The following CWF19L2 variants were observed in gnomAD, a reference collection of about 807,000 sequenced individuals.
The protein encoded by CWF19L2 is CWF19 like cell cycle control factor 2.
Under a neutral mutation model 111.7 loss-of-function variants are expected in CWF19L2, and 98 were observed. The ratio of observed to expected loss-of-function variants is 0.88; its 90% confidence interval spans 0.75 to 1.04. The LOEUF is 1.04. Ranked by LOEUF, CWF19L2 falls within the 50% of genes least tolerant of loss-of-function variation. CWF19L2 has a pLI of 0.00. For missense variants in CWF19L2, 1,101 were observed against 1,051.4 expected, an observed-to-expected ratio of 1.05 and a Z score of -0.65; for synonymous variants, 351 against 342.9, an observed-to-expected ratio of 1.02 and a Z score of -0.26.
intron 3 of CWF19L2, among the ~76,000 whole-genome samples, chr11:107,444,223 C>T (rs1861671595): frequency 6.6e-6 from 1 of 151,728 alleles, no homozygotes; most frequent in Non-Finnish European, 1.5e-5. Context: ...CTACATGCAC[C>T]GCCTTCACAC....
chr11:107,440,200 G>C (rs1248535407), intron 5 of CWF19L2, among the ~76,000 whole-genome samples: 2 of 152,138 alleles, frequency 1.3e-5, no homozygotes, highest in East Asian at 1.9e-4. Flanking sequence ...AGTTGACCCT[G>C]GGAGTGGGGG....
intron 12 of CWF19L2, among the ~76,000 whole-genome samples, chr11:107,386,887 C>G (rs1243896086): frequency 1.3e-5 from 2 of 152,034 alleles, no homozygotes; most frequent in Non-Finnish European, 2.9e-5. Flanking sequence ...AACCCCGTCT[C>G]TACTAAAAAC....
At position 107,327,042 on chromosome 11, in the gene CWF19L2, A is replaced by C. The variant is rs569209514; in HGVS notation, c.2553T>G (p.Gly851=). Residue 851 remains glycine, a synonymous_variant, in exon 18 of 18, where the codon GGT becomes GGG. Coordinates refer to ENST00000282251, the MANE Select transcript of CWF19L2 (RefSeq NM_152434.3). ...GTCTTGGTTCTATATCCAGCATCCC[A>C]CCTATGATTTCCTTTTAAAGAAAGA... is the stretch of plus-strand genomic sequence containing the variant. ...FPHYFGKEII[G]GMLDIEPRLW... is the part of the protein sequence containing the mutation. The C allele has an allele frequency of 1.3e-6, 2 of 1,594,994 alleles. No individual in the cohort carries two copies. The highest frequency in any genetic ancestry group is 1.7e-6 in the Non-Finnish European group (2 of 1,174,162).
chr11:107,378,484 G>C (rs2134580383), intron 12 of CWF19L2, among the ~76,000 whole-genome samples: 2 of 152,200 alleles, frequency 1.3e-5, no homozygotes, highest in East Asian at 3.9e-4. Flanking sequence ...GGATGAAATT[G>C]GAAATCATCA....
Position 107,329,963 on chromosome 11 carries a change from G to T in CWF19L2, c.2496C>A (p.Ala832=). 6.3e-7 allele frequency: 1 copy of T among 1,592,134 alleles called. No individual in the cohort carries two copies. Among genetic ancestry groups the T allele is most frequent in the Non-Finnish European group, 8.6e-7 (1 of 1,169,320 alleles). Residue 832 remains alanine, a synonymous_variant, in exon 17 of 18, where the codon GCC becomes GCA. Coordinates refer to ENST00000282251, the MANE Select transcript of CWF19L2 (RefSeq NM_152434.3). The part of the protein sequence containing the change: ...SVDFGLHGGF[A]HVIEDQHKFP... ...ATTTGTGCTGATCTTCAATGACATG[G>T]GCAAACCCTCCGTGAAGGCCAAAAT...
intron 2 of CWF19L2, among the ~76,000 whole-genome samples, chr11:107,454,927 T>A (rs893691327): frequency 6.6e-6 from 1 of 152,058 alleles, no homozygotes; most frequent in African/African-American, 2.4e-5. Context: ...AATATCCCTC[T>A]ATGGTCTCCC....
chr11:107,390,306 A>C, intron 11 of CWF19L2, 95 bp from the exon 12 acceptor site: 1 of 1,030,102 alleles, frequency 9.7e-7, no homozygotes, highest in East Asian at 2.7e-5. Flanking sequence ...AAATGTAAAA[A>C]TCCCACTATG....
chr11:107,424,063 A>G (rs1186267767), intron 8 of CWF19L2, among the ~76,000 whole-genome samples: 1 of 151,988 alleles, frequency 6.6e-6, no homozygotes, highest in South Asian at 2.1e-4. Context: ...CCATATATAG[A>G]TCAAGGGGAT....
At chr11:107,453,087 A>G (rs887807545) in intron 3 of CWF19L2, among the ~76,000 whole-genome samples, 1 of 152,232 alleles carries the variant, frequency 6.6e-6, no homozygotes, top group Non-Finnish European at 1.5e-5. Flanking sequence ...AAAAATGATG[A>G]AAAACAAAAA....
chr11:107,373,187 CT>C (rs1860540663), intron 12 of CWF19L2, among the ~76,000 whole-genome samples: 1 of 128,838 alleles, frequency 7.8e-6, no homozygotes, highest in African/African-American at 3.3e-5. Flanking sequence ...GGCAGCGAGG[CT>C]AGGGGAGGGG....
intron 10 of CWF19L2, among the ~76,000 whole-genome samples, chr11:107,399,970 TG>T (rs1860977270): frequency 6.6e-6 from 1 of 152,120 alleles, no homozygotes; most frequent in African/African-American, 2.4e-5. Context: ...GAATGAGCAC[TG>T]GGTCAAAAAC....
intron 12 of CWF19L2, among the ~76,000 whole-genome samples, chr11:107,378,455 A>G (rs1860629187): frequency 6.6e-6 from 1 of 152,170 alleles, no homozygotes; most frequent in Non-Finnish European, 1.5e-5. Flanking sequence ...TGATGAGTTC[A>G]TGTCCTTTGT....
intron 12 of CWF19L2, among the ~76,000 whole-genome samples, chr11:107,363,145 C>G (rs1438258781): frequency 6.6e-5 from 10 of 152,040 alleles, no homozygotes; most frequent in Non-Finnish European, 8.8e-5. Context: ...AAGAAATGAG[C>G]AAAGCCTCCA....
At chr11:107,341,842 C>T (rs570546235) in intron 14 of CWF19L2, among the ~76,000 whole-genome samples, 1 of 152,122 alleles carries the variant, frequency 6.6e-6, no homozygotes, top group East Asian at 1.9e-4. Context: ...GGAACTGGTC[C>T]ATTACATCCA....
chr11:107,407,089 A>G lies in CWF19L2; in HGVS notation c.1617+9120T>C, dbSNP rs534920512. 1.6e-3 allele frequency among the ~76,000 whole-genome samples: 241 copies of G among 152,094 alleles called. 1 individual carries two copies. The highest frequency in any genetic ancestry group is 5.3e-3 in the African/African-American group (222 of 41,522). ...CAGTATTCTGGAGTTTCACTCAACT[A>G]ATTTTTTCTCTTCCTCATCAATCTT... is the stretch of plus-strand genomic sequence containing the variant. On this transcript the variant is annotated intron_variant, in intron 10 of 17. Coordinates refer to ENST00000282251, the MANE Select transcript of CWF19L2 (RefSeq NM_152434.3).
chr11:107,442,808 G>T (rs184042846), intron 4 of CWF19L2, 131 bp downstream of exon 4: 1 of 398,696 alleles, frequency 2.5e-6, no homozygotes, highest in Non-Finnish European at 4.5e-6. Flanking sequence ...GGGAGGGAGG[G>T]AGGGAGGGAG....
In CWF19L2 at chr11:107,349,070, CA is replaced by C; in HGVS notation, c.2086-18del. 7.6e-7 allele frequency: 1 copy of C among 1,315,194 alleles called. No individual in the cohort carries two copies. Among genetic ancestry groups the C allele is most frequent in the Non-Finnish European group, 1.1e-6 (1 of 926,054 alleles). The allele number at this position is 1,315,194 out of a possible 1,614,324, so 81.5% of individuals were successfully genotyped here. ...TAAATAAACCTATAAGAGAGAAATA[CA>C]AAAGGTGAAATGTTATTGTTATTTA... On this transcript the variant is annotated intron_variant, in intron 13 of 17. Transcript: ENST00000282251.
At chr11:107,431,912 G>T (rs551685264) in intron 7 of CWF19L2, among the ~76,000 whole-genome samples, 1 of 152,160 alleles carries the variant, frequency 6.6e-6, no homozygotes, top group African/African-American at 2.4e-5. Context: ...TGCAAAGTTT[G>T]ATGCCTATTT....
At chr11:107,387,054 A>AAC (rs1860777678) in intron 12 of CWF19L2, among the ~76,000 whole-genome samples, 1 of 147,976 alleles carries the variant, frequency 6.8e-6, no homozygotes, top group African/African-American at 2.5e-5. Flanking sequence ...CCCCGTCTCA[A>AAC]AAAAAAAAAA....
Sources: gnomAD v4.1 joint callset for allele counts (sites outside exome capture counted in the v4.1 genomes callset) on GRCh38, gnomAD v4.1.1 for gene constraint, MANE v1.5 for transcripts, NCBI Gene and HGNC (gene_info 2026-07-23, HGNC 2026-07-21) for gene names.